DDX11: variants seen among roughly 807,000 people sequenced by gnomAD.
DDX11 encodes ATP-dependent DNA helicase DDX11.
In DDX11, 72 loss-of-function variants were observed where a neutral mutation model predicts 125.2. The observed-to-expected ratio is 0.58, with a 90% CI of 0.48 to 0.70. The LOEUF (loss-of-function observed/expected upper bound fraction) is 0.70. DDX11 is among the 30% of genes least tolerant of loss of function. The pLI is 0.00. For synonymous variants in DDX11, 347 were observed against 452.6 expected (o/e 0.77, Z 2.96); for missense variants, 883 against 1,165.0 (o/e 0.76, Z 3.52).
chr12:31,099,359 A>G (rs542282746), intron 18 of DDX11, among the ~76,000 whole-genome samples: 3 of 152,072 alleles, frequency 2.0e-5, no homozygotes, highest in Admixed American at 6.6e-5. Flanking sequence ...GATTACAGGC[A>G]TGAGCCACCA....
chr12:31,087,988 C>T lies in DDX11; in HGVS notation c.684+5C>T, dbSNP rs748108880. 5.0e-6 allele frequency: 8 copies of T among 1,607,784 alleles called. No individual in the cohort carries two copies. The South Asian group carries it at 5.6e-5, about 11-fold the overall frequency. On this transcript the variant is annotated splice_donor_5th_base_variant and intron_variant, in intron 6 of 26. Transcript: ENST00000542838. ...GAGGAAGAACACATAACTAAGGTAA[C>T]ACAAGTGTCCTCAGCTGGTGCTGTG...
At chr12:31,097,449 G>C (rs912473972) in intron 17 of DDX11, among the ~76,000 whole-genome samples, 68 of 35,086 alleles carry the variant, frequency 1.9e-3, no homozygotes, top group Middle Eastern at 0.019. Context: ...GGAGGCTGAG[G>C]GGGGGCGGAT....
intron 2 of DDX11, among the ~76,000 whole-genome samples, chr12:31,081,018 T>A (rs4031364): frequency 6.6e-6 from 1 of 152,198 alleles, no homozygotes; most frequent in Non-Finnish European, 1.5e-5. Context: ...GTGCTGAGAT[T>A]ACAGGCATGA....
In DDX11 at chr12:31,089,025, C is replaced by T; in HGVS notation, c.685-19C>T. 2 of 1,609,504 alleles carry T rather than the reference C, an allele frequency of 1.2e-6. No homozygotes were observed. Among genetic ancestry groups the T allele is most frequent in the Non-Finnish European group, 1.7e-6 (2 of 1,175,904 alleles). ...TGTTTTGGTTCTCTCTTTGAAGCGC[C>T]TTTCTTTCTCTCTGCTAGATTTATT... On this transcript the variant is annotated intron_variant, in intron 6 of 26. Coordinates refer to ENST00000542838, the MANE Select transcript of DDX11 (RefSeq NM_030653.4).
rs916052218 is a variant in DDX11, at chr12:31,101,312, G to T, written c.2052+182G>T. 7.7e-6 allele frequency: 5 copies of T among 649,194 alleles called. No individual in the cohort carries two copies. The African/African-American group carries it at 9.0e-5, about 12-fold the overall frequency. 40.2% of individuals were successfully genotyped at this position (649,194 alleles called of 1,614,324 possible). The stretch of plus-strand genomic sequence containing the variant: ...TAGATGCTTATGGAGGAAGGTCTGA[G>T]CTTCCCCGCCCCTCACGCCTTAGGC... On this transcript the variant is annotated intron_variant, in intron 20 of 26. Coordinates refer to ENST00000542838, the MANE Select transcript of DDX11 (RefSeq NM_030653.4).
chr12:31,099,191 G>A (rs1391772176), intron 18 of DDX11, among the ~76,000 whole-genome samples: 6 of 147,884 alleles, frequency 4.1e-5, no homozygotes, highest in East Asian at 2.0e-4. Flanking sequence ...GGGTTCAAGC[G>A]ATTCTCATGC....
intron 2 of DDX11, among the ~76,000 whole-genome samples, chr12:31,083,146 G>A (rs1289933949): frequency 6.6e-6 from 1 of 152,066 alleles, no homozygotes; most frequent in Non-Finnish European, 1.5e-5. Flanking sequence ...CAAGGGTAGT[G>A]TTCTCCAGTC....
Position 31,101,911 on chromosome 12 carries a change from G to A in DDX11, c.2131G>A (p.Glu711Lys), listed in dbSNP as rs371503673. ...GGTGGTCTGTTTCTTCCCCTCCTACGAGTACCTGCGCCAGGTCCATGCCCA... is the reference window on the plus strand; with the variant it reads ...GGTGGTCTGTTTCTTCCCCTCCTACAAGTACCTGCGCCAGGTCCATGCCCA... ...GGVVCFFPSY[E>K]YLRQVHAHWE... Residue 711 changes from glutamate to lysine, a missense_variant, in exon 21 of 27, where the codon GAG becomes AAG. Transcript: ENST00000542838. The A allele has an allele frequency of 1.9e-5, 30 of 1,613,736 alleles. No homozygotes were observed. The Admixed American group carries it at 3.8e-4, about 21-fold the overall frequency.
At position 31,092,912 on chromosome 12, in the gene DDX11, G is replaced by A; in HGVS notation, c.1289+20G>A. 1 of 1,613,994 alleles carries A rather than the reference G, an allele frequency of 6.2e-7. No homozygotes were observed. The highest frequency in any genetic ancestry group is 8.5e-7 in the Non-Finnish European group (1 of 1,179,842). On this transcript the variant is annotated intron_variant, in intron 11 of 26. Coordinates refer to ENST00000542838, the MANE Select transcript of DDX11 (RefSeq NM_030653.4). ...ATACGGGTGAGATGTGACCCTCTGA[G>A]GTAGTGGGACAGTCCCTTGGTGGCC...
intron 1 of DDX11, chr12:31,076,808 G>T (rs1940789740): frequency 6.6e-6 from 1 of 152,062 alleles, no homozygotes; most frequent in African/African-American, 2.4e-5. Flanking sequence ...TACCCTTCTT[G>T]TAATAATTCC....
chr12:31,087,103 T>C (rs913298314), intron 5 of DDX11, among the ~76,000 whole-genome samples: 1 of 150,166 alleles, frequency 6.7e-6, no homozygotes, highest in Admixed American at 6.7e-5. Context: ...CTAGCTCAGC[T>C]TCAGGCCATG....
rs1940314313 is a variant in DDX11 at position 31,073,888 on chromosome 12, A to AC, written c.-205dup. On this transcript the variant is annotated 5_prime_UTR_variant, in exon 1 of 27. Coordinates refer to ENST00000542838, the MANE Select transcript of DDX11 (RefSeq NM_030653.4). ...GTTCCGGCTGCCTTTCACTGAGGGG[A>AC]CCCGCCAGTTTCTAACTCAGTGGCG... 1 of 152,044 alleles carries AC rather than the reference A, an allele frequency of 6.6e-6. No homozygotes were observed. Among genetic ancestry groups the AC allele is most frequent in the Admixed American group, 6.5e-5 (1 of 15,272 alleles). 9.4% of individuals were successfully genotyped at this position (152,044 alleles called of 1,614,324 possible).
chr12:31,075,648 C>G (rs1487115663), intron 1 of DDX11, among the ~76,000 whole-genome samples: 1 of 152,196 alleles, frequency 6.6e-6, no homozygotes, highest in African/African-American at 2.4e-5. Context: ...TACCCAGCCT[C>G]GGAAGAGAAA....
At chr12:31,083,360 A>G (rs2111767) in intron 2 of DDX11, among the ~76,000 whole-genome samples, 78,501 of 148,442 alleles carry the variant, frequency 0.53, 22,008 homozygotes, top group East Asian at 0.82. Context: ...ACTGGCGCTC[A>G]TGACTGATCA....
chr12:31,098,219 G>A (rs1040749682), intron 18 of DDX11, among the ~76,000 whole-genome samples: 14 of 152,220 alleles, frequency 9.2e-5, no homozygotes, highest in Non-Finnish European at 1.9e-4. Context: ...CCATTCTGTA[G>A]CCCCAGGATC....
At chr12:31,077,930 G>A (rs1311902683) in intron 1 of DDX11, 6 of 325,622 alleles carry the variant, frequency 1.8e-5, no homozygotes, top group South Asian at 1.0e-4. Context: ...CTGCCTGTGC[G>A]TCATGATTTT....
At chr12:31,094,387 C>T (rs938731052) in intron 12 of DDX11, 21 of 771,530 alleles carry the variant, frequency 2.7e-5, no homozygotes, top group African/African-American at 1.6e-4. Flanking sequence ...CGTGCAAGCA[C>T]GTGAGTCAGA....
At chr12:31,097,620 C>G (rs1025813980) in intron 17 of DDX11, among the ~76,000 whole-genome samples, 1 of 134,694 alleles carries the variant, frequency 7.4e-6, no homozygotes, top group Admixed American at 8.6e-5. Flanking sequence ...GCGGAGGTTG[C>G]AGGGAGCCGA....
chr12:31,083,929 G>A lies in DDX11; in HGVS notation c.261G>A (p.Glu87=). ...LETGTGPLHD[E]KDESLCLSSS... Reference sequence around the variant, plus strand: ...CTGGAACTGGCCCCTTACATGATGAGAAAGATGAATCCCTGTGTCTGTCTT... The same window carrying A: ...CTGGAACTGGCCCCTTACATGATGAAAAAGATGAATCCCTGTGTCTGTCTT... Residue 87 remains glutamate, a synonymous_variant, in exon 3 of 27, where the codon GAG becomes GAA. Transcript: ENST00000542838. 2 of 1,613,978 alleles carry A rather than the reference G, an allele frequency of 1.2e-6. No homozygotes were observed. The highest frequency in any genetic ancestry group is 1.7e-6 in the Non-Finnish European group (2 of 1,179,870).
Sources: gnomAD v4.1 joint callset for allele counts (sites outside exome capture counted in the v4.1 genomes callset) on GRCh38, gnomAD v4.1.1 for gene constraint, MANE v1.5 for transcripts, NCBI Gene and HGNC (gene_info 2026-07-23, HGNC 2026-07-21) for gene names.